The following PPP2R5E variants were observed in gnomAD, a reference collection of about 807,000 sequenced individuals.
The protein encoded by PPP2R5E is protein phosphatase 2 regulatory subunit B'epsilon.
In PPP2R5E, 4 loss-of-function variants were observed where a neutral mutation model predicts 65.3. That is an observed-to-expected ratio of 0.06 (90% CI 0.03 to 0.14). The LOEUF (loss-of-function observed/expected upper bound fraction) is 0.14. Ranked by LOEUF, PPP2R5E falls within the 10% of genes least tolerant of loss-of-function variation. The pLI is 1.00. For synonymous variants in PPP2R5E, 183 were observed against 187.4 expected, an observed-to-expected ratio of 0.98 and a Z score of 0.19; for missense variants, 274 against 556.1, an observed-to-expected ratio of 0.49 and a Z score of 5.10.
chr14:63,440,905 C>T lies in PPP2R5E; in HGVS notation c.354+12784G>A, dbSNP rs367563179. Among the ~76,000 whole-genome samples the T allele has an allele frequency of 4.4e-4, 63 of 142,278 alleles. 1 individual carries two copies. The East Asian group carries it at 6.0e-3, about 14-fold the overall frequency. The allele number at this position is 142,278 out of a possible 152,430, so 93.3% of individuals were successfully genotyped here. On this transcript the variant is annotated intron_variant, in intron 3 of 13. Transcript: ENST00000337537. ...CGGAGCTTGCAGTGAGCCGAGATCG[C>T]GCCACTGCACTCCAGCCTGGGCAAC...
chr14:63,494,206 C>A (rs920865017), intron 2 of PPP2R5E, among the ~76,000 whole-genome samples: 2 of 152,088 alleles, frequency 1.3e-5, no homozygotes, highest in Non-Finnish European at 2.9e-5. Flanking sequence ...ACTACTTATT[C>A]ATACCTTAGA....
At chr14:63,379,755 T>C (rs1301331638) in intron 13 of PPP2R5E, among the ~76,000 whole-genome samples, 1 of 152,004 alleles carries the variant, frequency 6.6e-6, no homozygotes, top group African/African-American at 2.4e-5. Context: ...AAAATAGTTT[T>C]ATTATTGAAG....
In PPP2R5E at chr14:63,378,436, GTTAA is replaced by G. The variant is rs544580986; in HGVS notation, c.1305-2332_1305-2329del. 2.2e-4 allele frequency among the ~76,000 whole-genome samples: 34 copies of G among 152,282 alleles called. 1 individual carries two copies. In the South Asian group the frequency reaches 3.9e-3, roughly 18 times the overall value. On this transcript the variant is annotated intron_variant, in intron 13 of 13. Coordinates refer to ENST00000337537, the MANE Select transcript of PPP2R5E (RefSeq NM_006246.5). ...ATAATGGAACACTAGGCATAAATTG[GTTAA>G]TTAAGTGTTGACATCATTAAAACAT... is the stretch of plus-strand genomic sequence containing the variant.
intron 2 of PPP2R5E, among the ~76,000 whole-genome samples, chr14:63,497,547 G>C (rs1255623): frequency 0.014 from 2,171 of 151,992 alleles, 47 homozygotes; most frequent in African/African-American, 0.049. Context: ...TCAGGAGTTC[G>C]AGACCAGCCT....
At chr14:63,523,407 A>AC (rs1893048743) in intron 2 of PPP2R5E, among the ~76,000 whole-genome samples, 1 of 151,906 alleles carries the variant, frequency 6.6e-6, no homozygotes, top group African/African-American at 2.4e-5. Context: ...CTGTGACCTT[A>AC]CCCCCAACCC....
intron 5 of PPP2R5E, among the ~76,000 whole-genome samples, chr14:63,407,406 AAGAATGGTGCT>A (rs1176187661): frequency 2.6e-5 from 4 of 152,236 alleles, no homozygotes; most frequent in Non-Finnish European, 5.9e-5. Flanking sequence ...CTGGGCATAA[AAGAATGGTGCT>A]ATCATACAAA....
At chr14:63,381,840 T>A (rs1476984265) in intron 13 of PPP2R5E, among the ~76,000 whole-genome samples, 2 of 152,342 alleles carry the variant, frequency 1.3e-5, no homozygotes, top group Admixed American at 1.3e-4. Flanking sequence ...CTACACCATC[T>A]AGGTTTGTGT....
intron 2 of PPP2R5E, chr14:63,508,227 A>G (rs1428428704): frequency 4.1e-6 from 4 of 985,284 alleles, no homozygotes; most frequent in Non-Finnish European, 3.6e-6. Flanking sequence ...GCCACTATGC[A>G]CACAAATGCT....
intron 4 of PPP2R5E, among the ~76,000 whole-genome samples, chr14:63,417,204 T>C (rs1445050981): frequency 3.3e-5 from 5 of 152,232 alleles, no homozygotes; most frequent in Non-Finnish European, 7.4e-5. Flanking sequence ...TGTTTTATTA[T>C]ACAGTATCTA....
chr14:63,498,603 G>A (rs746591090), intron 2 of PPP2R5E, among the ~76,000 whole-genome samples: 15 of 151,870 alleles, frequency 9.9e-5, no homozygotes, highest in Non-Finnish European at 1.9e-4. Flanking sequence ...TGTCACCCAG[G>A]CTGGAGCGAG....
At chr14:63,382,466 A>T (rs1884424068) in intron 12 of PPP2R5E, among the ~76,000 whole-genome samples, 1 of 149,490 alleles carries the variant, frequency 6.7e-6, no homozygotes, top group Non-Finnish European at 1.5e-5. Flanking sequence ...CAATGGCACC[A>T]TCTTGGCTCA....
intron 11 of PPP2R5E, among the ~76,000 whole-genome samples, chr14:63,388,108 T>G (rs1884781286): frequency 7.0e-6 from 1 of 142,624 alleles, no homozygotes; most frequent in Non-Finnish European, 1.5e-5. Flanking sequence ...TTTCTGGTGA[T>G]GCTCTTTTTT....
At chr14:63,418,674 A>G (rs1030878536) in intron 4 of PPP2R5E, among the ~76,000 whole-genome samples, 1 of 151,802 alleles carries the variant, frequency 6.6e-6, no homozygotes, top group Admixed American at 6.6e-5. Context: ...CTGAAGACAC[A>G]CCTAATTTCA....
intron 2 of PPP2R5E, among the ~76,000 whole-genome samples, chr14:63,467,922 A>G (rs1889918748): frequency 1.3e-5 from 2 of 152,200 alleles, no homozygotes; most frequent in Non-Finnish European, 2.9e-5. Context: ...GCCACTTCCT[A>G]GCTGGAAAAG....
chr14:63,427,312 T>A lies in PPP2R5E; in HGVS notation c.355-5218A>T, dbSNP rs112906183. 4.9e-3 allele frequency among the ~76,000 whole-genome samples: 743 copies of A among 152,208 alleles called. 4 individuals carry two copies. Among genetic ancestry groups the A allele is most frequent in the Non-Finnish European group, 6.7e-3 (455 of 68,008 alleles). ...ATTTTATTCATTCAAAAGTGGACTA[T>A]CAAAAATGAACAAAAGGAAATTTTA... On this transcript the variant is annotated intron_variant, in intron 3 of 13. Transcript: ENST00000337537.
chr14:63,423,977 G>A (rs929693862), intron 3 of PPP2R5E, among the ~76,000 whole-genome samples: 1 of 151,884 alleles, frequency 6.6e-6, no homozygotes, highest in South Asian at 2.1e-4. Flanking sequence ...ACAGAGAAGT[G>A]GCATGATCTG....
intron 2 of PPP2R5E, among the ~76,000 whole-genome samples, chr14:63,507,693 C>T (rs1892265823): frequency 6.6e-6 from 1 of 151,030 alleles, no homozygotes; most frequent in African/African-American, 2.4e-5. Flanking sequence ...CATTCTCCTG[C>T]CTCAGCCTGC....
At chr14:63,493,965 A>C (rs1891415546) in intron 2 of PPP2R5E, among the ~76,000 whole-genome samples, 1 of 152,132 alleles carries the variant, frequency 6.6e-6, no homozygotes, top group African/African-American at 2.4e-5. Flanking sequence ...AGGTATTCTC[A>C]AATACTCTAC....
At chr14:63,423,997 T>TA (rs200920586) in intron 3 of PPP2R5E, among the ~76,000 whole-genome samples, 1,917 of 147,646 alleles carry the variant, frequency 0.013, 50 homozygotes, top group East Asian at 0.097. Context: ...GATTTTTGCT[T>TA]AAAAAAAAAA....
Sources: allele counts gnomAD v4.1 joint callset (sites outside exome capture counted in the v4.1 genomes callset), GRCh38; gene constraint gnomAD v4.1.1; transcripts MANE v1.5; gene names NCBI Gene and HGNC (gene_info 2026-07-23, HGNC 2026-07-21).